Variants in RAP1GAP2 observed in about 807,000 individuals in gnomAD.
The protein encoded by RAP1GAP2 is rap1 GTPase-activating protein 2.
Under a neutral mutation model 95.0 loss-of-function variants are expected in RAP1GAP2, and 27 were observed. The observed-to-expected ratio is 0.28, with a 90% confidence interval of 0.21 to 0.39. RAP1GAP2 has a LOEUF of 0.39. Ranked by LOEUF, RAP1GAP2 falls within the 10% of genes least tolerant of loss-of-function variation. RAP1GAP2 has a pLI of 1.00. For synonymous variants in RAP1GAP2, 373 were observed against 380.9 expected (o/e 0.98, Z 0.24); for missense variants, 771 against 970.0 (o/e 0.79, Z 2.72).
intron 2 of RAP1GAP2, among the ~76,000 whole-genome samples, chr17:2,829,012 T>C (rs1346429319): frequency 1.0e-4 from 7 of 68,816 alleles, no homozygotes; most frequent in Admixed American, 9.1e-4. Context: ...TTGGGAAACC[T>C]CGCTCTGTCG....
Position 3,026,985 on chromosome 17 carries a change from G to C in RAP1GAP2, c.2022G>C (p.Val674=). The part of the protein sequence containing the change: ...PSTTSPFKQE[V]FVYSPSPSSE... ...CGACCTCACCCTTCAAGCAGGAGGT[G>C]TTTGTCTACAGCCCGTCCCCGAGCA... The change falls in exon 22 of 25, where the codon GTG becomes GTC. Residue 674 remains valine, a synonymous_variant. Coordinates refer to ENST00000254695, the MANE Select transcript of RAP1GAP2 (RefSeq NM_015085.5). 6.4e-7 allele frequency: 1 copy of C among 1,556,560 alleles called. No individual in the cohort carries two copies. The highest frequency in any genetic ancestry group is 8.7e-7 in the Non-Finnish European group (1 of 1,149,986).
intron 3 of RAP1GAP2, among the ~76,000 whole-genome samples, chr17:2,957,287 C>T (rs2044151671): frequency 6.6e-6 from 1 of 152,198 alleles, no homozygotes; most frequent in Non-Finnish European, 1.5e-5. Context: ...GGGCCCTCCC[C>T]CTCCTTCCCT....
intron 1 of RAP1GAP2, among the ~76,000 whole-genome samples, chr17:2,769,251 A>ACT (rs1207489177): frequency 3.8e-5 from 5 of 131,434 alleles, no homozygotes; most frequent in African/African-American, 1.4e-4. Context: ...AAAAAAAAAA[A>ACT]AAAAAAAAAA....
intron 3 of RAP1GAP2, among the ~76,000 whole-genome samples, chr17:2,948,164 T>G (rs985322954): frequency 6.6e-6 from 1 of 152,178 alleles, no homozygotes; most frequent in Non-Finnish European, 1.5e-5. Flanking sequence ...TTAGCGGTCA[T>G]GTTTTCAGCC....
intron 2 of RAP1GAP2, among the ~76,000 whole-genome samples, chr17:2,848,272 C>T (rs2071673178): frequency 6.6e-6 from 1 of 152,094 alleles, no homozygotes; most frequent in African/African-American, 2.4e-5. Flanking sequence ...AGTTTAGATC[C>T]TCTGCTTAAT....
At chr17:3,030,460 A>T (rs1024290640) in intron 22 of RAP1GAP2, among the ~76,000 whole-genome samples, 2 of 152,180 alleles carry the variant, frequency 1.3e-5, no homozygotes, top group Non-Finnish European at 2.9e-5. Flanking sequence ...AGCATGTACC[A>T]GTTTCTGTGG....
intron 2 of RAP1GAP2, among the ~76,000 whole-genome samples, chr17:2,889,889 A>ATATATATATATTTTTT (rs1408426152): frequency 3.5e-5 from 2 of 57,312 alleles, no homozygotes; most frequent in African/African-American, 7.2e-5. Flanking sequence ...ATATATATAT[A>ATATATATATATTTTTT]TTTTTTTTTT....
rs1288348884 is a variant in RAP1GAP2 at position 3,008,613 on chromosome 17, G to T, written c.1494+468G>T. ...GCCGAGCATTGGAAGACCTGGCTGG[G>T]CAGGGGCCATGGAACTATAGGCAAG... is the stretch of plus-strand genomic sequence containing the variant. On this transcript the variant is annotated intron_variant, in intron 17 of 24. Transcript: ENST00000254695. The surrounding 1 kb of genome is among the most constrained non-coding windows in gnomAD (Gnocchi z 4.2). 6.6e-6 allele frequency among the ~76,000 whole-genome samples: 1 copy of T among 152,214 alleles called. No homozygotes were observed. The highest frequency in any genetic ancestry group is 2.4e-5 in the African/African-American group (1 of 41,454).
chr17:2,796,815 G>A lies in RAP1GAP2; in HGVS notation c.44+244G>A, dbSNP rs2069102327. Among the ~76,000 whole-genome samples the A allele has an allele frequency of 6.6e-6, 1 of 152,138 alleles. No individual in the cohort carries two copies. Among genetic ancestry groups the A allele is most frequent in the African/African-American group, 2.4e-5 (1 of 41,422 alleles). On this transcript the variant is annotated intron_variant, in intron 1 of 24. Coordinates refer to ENST00000254695, the MANE Select transcript of RAP1GAP2 (RefSeq NM_015085.5). This position sits in a 1 kb window ranked among gnomAD's most constrained non-coding sequence, Gnocchi z 4.7. ...GGAGGTCTGCGCCGGCTGCCCGTGG[G>A]GAGGTGGATAGCATGAGTGTGACTG... is the stretch of plus-strand genomic sequence containing the variant.
At chr17:2,798,694 C>A (rs1394802902) in intron 1 of RAP1GAP2, among the ~76,000 whole-genome samples, 5 of 152,136 alleles carry the variant, frequency 3.3e-5, no homozygotes, top group African/African-American at 1.2e-4. Flanking sequence ...GGAGCCTTGG[C>A]TTCCTGAAAG....
chr17:3,031,795 T>C (rs1392849503), intron 23 of RAP1GAP2, among the ~76,000 whole-genome samples: 1 of 144,790 alleles, frequency 6.9e-6, no homozygotes, highest in Non-Finnish European at 1.5e-5. Context: ...AGATGTGAGG[T>C]GGGAAGGGCT....
At chr17:2,971,797 A>G (rs1472720181) in intron 8 of RAP1GAP2, among the ~76,000 whole-genome samples, 1 of 152,176 alleles carries the variant, frequency 6.6e-6, no homozygotes, top group Non-Finnish European at 1.5e-5. Flanking sequence ...ATTGTTACCT[A>G]AAGAAAGCCA....
chr17:2,894,717 T>C (rs1031193802), intron 2 of RAP1GAP2, among the ~76,000 whole-genome samples: 6 of 152,160 alleles, frequency 3.9e-5, no homozygotes, highest in African/African-American at 1.4e-4. Flanking sequence ...GGTTACTTGG[T>C]GTGTTTAGCT....
In RAP1GAP2 at chr17:3,005,060, C is replaced by T. The variant is rs973559099; in HGVS notation, c.1201-309C>T. Among the ~76,000 whole-genome samples the T allele has an allele frequency of 1.4e-4, 22 of 152,094 alleles. No individual in the cohort carries two copies. The highest frequency in any genetic ancestry group is 1.0e-3 in the Admixed American group (16 of 15,260). Reference sequence around the variant, plus strand: ...TTAGCGTCACGGTCGAATGAGGTCACGAGATGCCATCTCCCGGGCACTTGT... The same window carrying T: ...TTAGCGTCACGGTCGAATGAGGTCATGAGATGCCATCTCCCGGGCACTTGT... On this transcript the variant is annotated intron_variant, in intron 14 of 24. Transcript: ENST00000254695. This position sits in a 1 kb window ranked among gnomAD's most constrained non-coding sequence, Gnocchi z 5.2.
intron 2 of RAP1GAP2, among the ~76,000 whole-genome samples, chr17:2,817,945 T>C (rs886352569): frequency 6.6e-6 from 1 of 150,470 alleles, no homozygotes; most frequent in Admixed American, 6.7e-5. Context: ...CATGCCATTC[T>C]CCTGCCTCAG....
At chr17:3,026,253 G>T in intron 20 of RAP1GAP2, 97 bp from the exon 21 acceptor site, 6 of 1,305,126 alleles carry the variant, frequency 4.6e-6, no homozygotes, top group Non-Finnish European at 5.4e-6. Flanking sequence ...GCCGACGGGT[G>T]GGGGCGTGGG....
chr17:2,954,046 T>C (rs1362547141), intron 3 of RAP1GAP2, among the ~76,000 whole-genome samples: 6 of 152,200 alleles, frequency 3.9e-5, no homozygotes, highest in African/African-American at 1.2e-4. Flanking sequence ...CTCTATGAGG[T>C]TGCATACTCT....
intron 3 of RAP1GAP2, among the ~76,000 whole-genome samples, chr17:2,918,730 A>G (rs1242703700): frequency 6.6e-6 from 1 of 152,158 alleles, no homozygotes. Flanking sequence ...CCTCTGATCC[A>G]GTCAGCTCCC....
At chr17:2,922,952 C>T (rs1278638827) in intron 3 of RAP1GAP2, among the ~76,000 whole-genome samples, 1 of 150,774 alleles carries the variant, frequency 6.6e-6, no homozygotes, top group Admixed American at 6.6e-5. Flanking sequence ...GACCTTGGCT[C>T]ACTGCACCCT....
Sources: gnomAD v4.1 joint callset for allele counts (sites outside exome capture counted in the v4.1 genomes callset) on GRCh38, gnomAD v4.1.1 for gene constraint, Gnocchi (gnomAD v3.1) non-coding constraint, MANE v1.5 for transcripts, NCBI Gene and HGNC (gene_info 2026-07-23, HGNC 2026-07-21) for gene names.